The following DNM3 variants were observed in gnomAD, a reference collection of about 807,000 sequenced individuals.
DNM3 encodes dynamin-3.
A neutral mutation model predicts 101.6 loss-of-function variants in DNM3; 47 were observed. That is an observed-to-expected ratio of 0.46 (90% CI 0.37 to 0.59). The LOEUF is 0.59. DNM3 is among the 20% of genes least tolerant of loss of function. The probability of loss-of-function intolerance (pLI) is 0.00; values close to 1 mark genes in which losing one functional copy is unlikely to be tolerated. For synonymous variants in DNM3, 385 were observed against 387.9 expected, an observed-to-expected ratio of 0.99 and a Z score of 0.09; for missense variants, 849 against 1,085.7, an observed-to-expected ratio of 0.78 and a Z score of 3.06.
At chr1:172,368,562 G>A (rs2068151025) in intron 17 of DNM3, among the ~76,000 whole-genome samples, 1 of 151,678 alleles carries the variant, frequency 6.6e-6, no homozygotes, top group Non-Finnish European at 1.5e-5. Flanking sequence ...ATGCACTTCA[G>A]GGAACTAGAA....
chr1:172,308,109 T>G (rs537213720), intron 15 of DNM3, among the ~76,000 whole-genome samples: 9 of 152,198 alleles, frequency 5.9e-5, no homozygotes, highest in Non-Finnish European at 1.3e-4. Context: ...AATTCTTTTC[T>G]CTACTTTCCA....
At chr1:172,190,975 A>G (rs1002541578) in intron 14 of DNM3, among the ~76,000 whole-genome samples, 2 of 151,948 alleles carry the variant, frequency 1.3e-5, no homozygotes, top group African/African-American at 2.4e-5. Flanking sequence ...TTGCCTGTTC[A>G]CTCTGATGGT....
chr1:172,102,626 GT>G (rs1175410303), intron 13 of DNM3, among the ~76,000 whole-genome samples: 1 of 152,058 alleles, frequency 6.6e-6, no homozygotes, highest in Non-Finnish European at 1.5e-5. Flanking sequence ...CAGAATCTAG[GT>G]TTTCTGCTAT....
At chr1:172,128,615 A>G (rs1229928408) in intron 13 of DNM3, among the ~76,000 whole-genome samples, 3 of 152,212 alleles carry the variant, frequency 2.0e-5, no homozygotes, top group Non-Finnish European at 4.4e-5. Flanking sequence ...AATTAATGAG[A>G]TATTTTACAT....
Position 172,156,982 on chromosome 1 carries a change from G to A in DNM3, c.1659+25694G>A, listed in dbSNP as rs965776898. Among the ~76,000 whole-genome samples, 5 of 152,106 alleles carry A rather than the reference G, an allele frequency of 3.3e-5. No homozygotes were observed. In the East Asian group the frequency reaches 7.8e-4, roughly 24 times the overall value. ...GGAGACCCCCAACCTTTTTGGCACC[G>A]GGGACTGGTTTCATGGAAGACAATT... On this transcript the variant is annotated intron_variant, in intron 14 of 20. Transcript: ENST00000627582.
chr1:172,414,165 T>A (rs1364666091), downstream of DNM3, among the ~76,000 whole-genome samples: 1 of 152,226 alleles, frequency 6.6e-6, no homozygotes, highest in Non-Finnish European at 1.5e-5. Flanking sequence ...AGTATTTGGT[T>A]TAGAGTGACC....
At chr1:172,044,091 T>G (rs1474466641) in intron 8 of DNM3, among the ~76,000 whole-genome samples, 1 of 152,180 alleles carries the variant, frequency 6.6e-6, no homozygotes, top group Non-Finnish European at 1.5e-5. Context: ...GAATGAAGAA[T>G]TATACATTTC....
intron 1 of DNM3, among the ~76,000 whole-genome samples, chr1:171,913,712 CCCTTT>C (rs1359880643): frequency 6.6e-6 from 1 of 151,966 alleles, no homozygotes; most frequent in African/African-American, 2.4e-5. Context: ...TTGCCTGTTT[CCCTTT>C]CCTTGTTTCT....
chr1:171,865,437 G>C (rs866634432), intron 1 of DNM3, among the ~76,000 whole-genome samples: 2 of 148,954 alleles, frequency 1.3e-5, no homozygotes, highest in Admixed American at 6.8e-5. Context: ...GATCTCTTGA[G>C]ACTGGGAGGT....
chr1:172,068,616 C>CAA, intron 10 of DNM3, among the ~76,000 whole-genome samples: 1 of 152,138 alleles, frequency 6.6e-6, no homozygotes, highest in South Asian at 2.1e-4. Context: ...AGTGTTTCCT[C>CAA]AACATAACAA....
chr1:172,038,224 A>G (rs2049108051), intron 6 of DNM3, 95 bp from the exon 7 acceptor site: 41 of 1,483,412 alleles, frequency 2.8e-5, no homozygotes, highest in Non-Finnish European at 7.3e-6. Context: ...ATTATTAGAA[A>G]AACAATGGAG....
Position 171,883,394 on chromosome 1 carries a change from CA to C in DNM3, c.162-38353del, listed in dbSNP as rs1558209636. On this transcript the variant is annotated intron_variant, in intron 1 of 20. Coordinates refer to ENST00000627582, the MANE Select transcript of DNM3 (RefSeq NM_015569.5). ...ACACACACACACACACACACACACA[CA>C]CACACACACACACACACACCCTGTC... Among the ~76,000 whole-genome samples the C allele has an allele frequency of 4.5e-4, 54 of 118,916 alleles. 1 individual carries two copies. The highest frequency in any genetic ancestry group is 1.5e-3 in the African/African-American group (49 of 31,782). The allele number at this position is 118,916 out of a possible 152,430, so 78.0% of individuals were successfully genotyped here. A position where few individuals can be genotyped will look rare whatever the true frequency, so the allele number is the denominator to read the frequency against.
chr1:172,396,218 A>C (rs911198957), intron 20 of DNM3, among the ~76,000 whole-genome samples: 15 of 152,238 alleles, frequency 9.9e-5, no homozygotes, highest in Non-Finnish European at 2.2e-4. Context: ...GAATCATAGA[A>C]AGAATAAATT....
intron 1 of DNM3, among the ~76,000 whole-genome samples, chr1:171,893,841 T>A (rs974714178): frequency 5.3e-5 from 8 of 152,166 alleles, no homozygotes; most frequent in African/African-American, 1.7e-4. Context: ...TACATGCAGT[T>A]ACATGAAATA....
At chr1:172,332,957 C>A (rs967146292) in intron 17 of DNM3, among the ~76,000 whole-genome samples, 1 of 152,022 alleles carries the variant, frequency 6.6e-6, no homozygotes, top group South Asian at 2.1e-4. Context: ...GAAGTTGTTA[C>A]GTATTTAAAA....
In DNM3 at chr1:171,911,175, A is replaced by C. The variant is rs372456990; in HGVS notation, c.162-10573A>C. Among the ~76,000 whole-genome samples the C allele has an allele frequency of 1.1e-4, 17 of 152,148 alleles. No homozygotes were observed. The East Asian group carries it at 1.9e-3, about 17-fold the overall frequency. On this transcript the variant is annotated intron_variant, in intron 1 of 20. Coordinates refer to ENST00000627582, the MANE Select transcript of DNM3 (RefSeq NM_015569.5). ...ATCAGATTCCATTCTTTTTAAATAA[A>C]CAGGATGTGACCATGGTAGTGCTCC... is the stretch of plus-strand genomic sequence containing the variant.
chr1:172,295,739 T>C (rs1033078267), intron 15 of DNM3, among the ~76,000 whole-genome samples: 1 of 152,146 alleles, frequency 6.6e-6, no homozygotes, highest in African/African-American at 2.4e-5. Flanking sequence ...CATGGCAAGA[T>C]ATAAACATGA....
At chr1:172,404,326 T>G (rs2070726484) in intron 20 of DNM3, among the ~76,000 whole-genome samples, 2 of 147,480 alleles carry the variant, frequency 1.4e-5, no homozygotes, top group African/African-American at 4.9e-5. Context: ...AATGAATAAG[T>G]TATCCTGATT....
intron 1 of DNM3, among the ~76,000 whole-genome samples, chr1:171,868,323 T>G (rs565475613): frequency 6.6e-6 from 1 of 152,062 alleles, no homozygotes; most frequent in South Asian, 2.1e-4. Flanking sequence ...AGAGGTGTCC[T>G]GCACACAGCT....
Sources: allele counts gnomAD v4.1 joint callset (sites outside exome capture counted in the v4.1 genomes callset), GRCh38; gene constraint gnomAD v4.1.1; transcripts MANE v1.5; gene names NCBI Gene and HGNC (gene_info 2026-07-23, HGNC 2026-07-21).